RBFOX2: variants seen among roughly 807,000 people sequenced by gnomAD.
RBFOX2 encodes the protein RNA binding protein fox-1 homolog 2.
A neutral mutation model predicts 49.1 loss-of-function variants in RBFOX2; 10 were observed. That is an observed-to-expected ratio of 0.20 (90% CI 0.13 to 0.35). RBFOX2 has a LOEUF of 0.35. Ranked by LOEUF, RBFOX2 falls within the 10% of genes least tolerant of loss-of-function variation. The probability of loss-of-function intolerance (pLI) is 1.00; values close to 1 mark genes in which losing one functional copy is unlikely to be tolerated. For missense variants in RBFOX2, 323 were observed against 486.9 expected (o/e 0.66, Z 3.17); for synonymous variants, 183 against 187.4 (o/e 0.98, Z 0.19).
intron 1 of RBFOX2, among the ~76,000 whole-genome samples, chr22:35,875,581 A>G (rs1191682728): frequency 6.7e-6 from 1 of 149,118 alleles, no homozygotes; most frequent in African/African-American, 2.5e-5. Flanking sequence ...TGCACCATCA[A>G]CTGCGAATTA....
rs2047955529 is a variant in RBFOX2 at position 35,897,168 on chromosome 22, GT to G, written c.-34+41678del. 45 of 603,446 alleles carry G rather than the reference GT, an allele frequency of 7.5e-5. No homozygotes were observed. The South Asian group carries it at 9.9e-4, about 13-fold the overall frequency. 37.4% of individuals were successfully genotyped at this position (603,446 alleles called of 1,614,324 possible). ...TTTTAATGGTGGGATCTTATTCACT[GT>G]GTACAGGATTCTCTAAAGAGACCAC... On this transcript the variant is annotated intron_variant, in intron 1 of 13. Coordinates refer to the RBFOX2 transcript ENST00000359369.
chr22:35,857,463 T>C (rs1305026705), intron 1 of RBFOX2, among the ~76,000 whole-genome samples: 1 of 152,240 alleles, frequency 6.6e-6, no homozygotes, highest in African/African-American at 2.4e-5. Flanking sequence ...AAGGTTCTAA[T>C]TCTAGCTAAC....
intron 1 of RBFOX2, among the ~76,000 whole-genome samples, chr22:35,985,512 A>C (rs1247842137): frequency 6.6e-6 from 1 of 152,192 alleles, no homozygotes; most frequent in Non-Finnish European, 1.5e-5. Flanking sequence ...CCGTGCTGCC[A>C]AGTGAAGCCA....
chr22:35,941,896 T>C (rs2053728699), upstream of RBFOX2, among the ~76,000 whole-genome samples: 1 of 152,210 alleles, frequency 6.6e-6, no homozygotes, highest in South Asian at 2.1e-4. Flanking sequence ...TAAGGCTATT[T>C]GGAACTCTCA....
At chr22:36,027,243 G>A (rs1296081383) in intron 1 of RBFOX2, among the ~76,000 whole-genome samples, 3 of 152,162 alleles carry the variant, frequency 2.0e-5, no homozygotes, top group African/African-American at 7.2e-5. Flanking sequence ...CCCTGGAAAA[G>A]ATGATGTCTA....
chr22:35,809,332 G>A (rs1042754737), intron 2 of RBFOX2, among the ~76,000 whole-genome samples: 34 of 152,218 alleles, frequency 2.2e-4, no homozygotes, highest in African/African-American at 8.2e-4. Flanking sequence ...AAGATGTAGA[G>A]AAGAAGACGA....
exon 2 of RBFOX2, chr22:35,809,941 G>C (rs770696816): frequency 6.2e-7 from 1 of 1,614,138 alleles, no homozygotes; most frequent in East Asian, 2.2e-5. Context: ...GGAGGTGGTG[G>C]AAATGGGATG....
chr22:35,818,976 T>C (rs1327989591), intron 1 of RBFOX2, among the ~76,000 whole-genome samples: 1 of 152,130 alleles, frequency 6.6e-6, no homozygotes, highest in African/African-American at 2.4e-5. Flanking sequence ...AGAGAAAAAT[T>C]TTCCCTATCC....
intron 4 of RBFOX2, among the ~76,000 whole-genome samples, chr22:35,771,645 T>C (rs768829679): frequency 1.3e-5 from 2 of 152,180 alleles, no homozygotes; most frequent in Non-Finnish European, 2.9e-5. Flanking sequence ...GAAGTACTGT[T>C]CTTAAATACT....
At chr22:35,859,167 T>C (rs903350975) in intron 1 of RBFOX2, among the ~76,000 whole-genome samples, 5 of 152,142 alleles carry the variant, frequency 3.3e-5, no homozygotes, top group Non-Finnish European at 7.4e-5. Flanking sequence ...ATTGCTACTA[T>C]AGCCACCACC....
At chr22:35,835,554 T>A (rs1187549040) in intron 1 of RBFOX2, among the ~76,000 whole-genome samples, 2 of 152,144 alleles carry the variant, frequency 1.3e-5, no homozygotes, top group African/African-American at 4.8e-5. Flanking sequence ...ATGAGGAATG[T>A]CATTACTGTT....
At position 35,759,802 on chromosome 22, in the gene RBFOX2, C is replaced by T; in HGVS notation, c.887+86G>A. The T allele has an allele frequency of 6.4e-7, 1 of 1,554,540 alleles. No homozygotes were observed. Among genetic ancestry groups the T allele is most frequent in the Non-Finnish European group, 8.8e-7 (1 of 1,134,976 alleles). ...GCCTACTCTGTGACACGGCAACATC[C>T]CAGAAGTTATGAAAGGGCCATGGTA... On this transcript the variant is annotated intron_variant, in intron 9 of 11. Transcript: ENST00000405409. This position sits in a 1 kb window ranked among gnomAD's most constrained non-coding sequence, Gnocchi z 4.6.
At chr22:35,754,003 G>A (rs1046622659) in intron 9 of RBFOX2, among the ~76,000 whole-genome samples, 3 of 149,822 alleles carry the variant, frequency 2.0e-5, no homozygotes, top group South Asian at 2.1e-4. Flanking sequence ...GGCTGGTCTC[G>A]TACTCCTGAC....
upstream of RBFOX2, among the ~76,000 whole-genome samples, chr22:35,942,673 A>G (rs1344140534): frequency 6.6e-6 from 1 of 151,564 alleles, no homozygotes; most frequent in African/African-American, 2.4e-5. Flanking sequence ...AGGATCACTC[A>G]AGCCCTGGAG....
chr22:35,739,568 G>C (rs1471021633), exon 12 of RBFOX2: 1 of 152,640 alleles, frequency 6.6e-6, no homozygotes. Flanking sequence ...CAAATACTGT[G>C]AACAGAAAAA....
intron 8 of RBFOX2, 153 bp from the exon 10 acceptor site, chr22:35,760,173 C>A: frequency 1.1e-6 from 1 of 938,376 alleles, no homozygotes; most frequent in Non-Finnish European, 1.6e-6. Context: ...AAACGTTCTA[C>A]CCTGGGTCTC....
chr22:35,930,098 T>C (rs1025635744), intron 1 of RBFOX2, among the ~76,000 whole-genome samples: 9 of 148,320 alleles, frequency 6.1e-5, no homozygotes, highest in Non-Finnish European at 8.9e-5. Flanking sequence ...CTCAGCTCAC[T>C]GCAACCTCCG....
intron 2 of RBFOX2, among the ~76,000 whole-genome samples, chr22:35,786,509 A>C (rs1391438319): frequency 6.6e-6 from 1 of 152,224 alleles, no homozygotes; most frequent in Non-Finnish European, 1.5e-5. Flanking sequence ...AAATTAGATC[A>C]AGAAACAAGA....
At chr22:35,943,979 A>G (rs1028895999) in intron 1 of RBFOX2, among the ~76,000 whole-genome samples, 1 of 152,258 alleles carries the variant, frequency 6.6e-6, no homozygotes, top group Non-Finnish European at 1.5e-5. Flanking sequence ...CAAGAAAAAT[A>G]GCATCTGACT....
Sources: allele counts gnomAD v4.1 joint callset (sites outside exome capture counted in the v4.1 genomes callset), GRCh38; gene constraint gnomAD v4.1.1; non-coding constraint Gnocchi (gnomAD v3.1); transcripts MANE v1.5; gene names NCBI Gene and HGNC (gene_info 2026-07-23, HGNC 2026-07-21).